LZTFL1: variants seen among roughly 807,000 people sequenced by gnomAD.
LZTFL1 encodes the protein leucine zipper transcription factor-like protein 1.
LZTFL1 carries 25 observed loss-of-function variants against 45.9 expected under a neutral mutation model. The observed-to-expected ratio is 0.54, with a 90% CI of 0.40 to 0.76. The LOEUF (loss-of-function observed/expected upper bound fraction) is 0.76. Among genes scored for constraint, LZTFL1 ranks in the 30% least tolerant of loss-of-function variants. The probability of loss-of-function intolerance (pLI) is 0.00; values close to 1 mark genes in which losing one functional copy is unlikely to be tolerated. For missense variants in LZTFL1, 277 were observed against 331.1 expected (o/e 0.84, Z 1.27); for synonymous variants, 93 against 117.4 (o/e 0.79, Z 1.35).
chr3:45,844,523 A>T (rs1444030618), upstream of LZTFL1, among the ~76,000 whole-genome samples: 1 of 152,218 alleles, frequency 6.6e-6, no homozygotes, highest in Non-Finnish European at 1.5e-5. Context: ...GAAAAGTTTG[A>T]TAAATATTGA....
At chr3:45,897,830 T>G (rs1225417763) in intron 2 of LZTFL1, among the ~76,000 whole-genome samples, 6 of 152,112 alleles carry the variant, frequency 3.9e-5, no homozygotes, top group Admixed American at 3.9e-4. Flanking sequence ...TACCTGGAGC[T>G]GCAGCAGGAG....
upstream of LZTFL1, among the ~76,000 whole-genome samples, chr3:45,845,800 G>T (rs1490329691): frequency 2.0e-5 from 3 of 152,156 alleles, no homozygotes; most frequent in African/African-American, 4.8e-5. Flanking sequence ...CAAAGCTGGG[G>T]CTGTGTAGTC....
chr3:45,881,888 T>C (rs1012746741), intron 2 of LZTFL1, among the ~76,000 whole-genome samples: 1 of 152,256 alleles, frequency 6.6e-6, no homozygotes, highest in East Asian at 1.9e-4. Flanking sequence ...AGCTGCTGAA[T>C]AGCAGGTTGG....
intron 3 of LZTFL1, chr3:45,835,120 GC>G (rs1177356183): frequency 6.6e-6 from 1 of 152,340 alleles, no homozygotes; most frequent in East Asian, 1.9e-4. Flanking sequence ...CATATTATAA[GC>G]TTTTTTGTAT....
At chr3:45,899,632 C>A (rs1702479635) in intron 2 of LZTFL1, among the ~76,000 whole-genome samples, 1 of 152,094 alleles carries the variant, frequency 6.6e-6, no homozygotes, top group African/African-American at 2.4e-5. Context: ...AGCTGGTAGT[C>A]CCTGGTGGAA....
intron 3 of LZTFL1, chr3:45,855,127 A>ATATCCCTTTGATGTTTTT: frequency 1.8e-6 from 2 of 1,101,964 alleles, no homozygotes; most frequent in Non-Finnish European, 2.6e-6. Flanking sequence ...TAAAAACATC[A>ATATCCCTTTGATGTTTTT]AAGGGATATG....
chr3:45,860,476 T>G (rs201923247), intron 2 of LZTFL1, among the ~76,000 whole-genome samples: 2 of 144,404 alleles, frequency 1.4e-5, no homozygotes, highest in Non-Finnish European at 3.1e-5. Context: ...TTTTTTTTTT[T>G]GTTTTTTGGT....
rs1325913127 is a variant in LZTFL1 at position 45,838,022 on chromosome 3, T to C, written c.33A>G (p.Gln11=). 1.2e-6 allele frequency: 2 copies of C among 1,610,998 alleles called. No individual in the cohort carries two copies. Among genetic ancestry groups the C allele is most frequent in the African/African-American group, 1.3e-5 (1 of 74,754 alleles). The change falls in exon 2 of 10, where the codon CAA becomes CAG. Residue 11 remains glutamine, a synonymous_variant. Coordinates refer to ENST00000296135, the MANE Select transcript of LZTFL1 (RefSeq NM_020347.4). MAELGLNEHH[Q]NEVINYMRFA... The stretch of plus-strand genomic sequence containing the variant: ...AACGCATATAATTAATAACTTCATT[T>C]TGATGGTGCTCATTTAGGCCCAACT...
rs1702114618 is a variant in LZTFL1 at position 45,890,277 on chromosome 3, T to TATAAATATATATATAAC, written c.-215+22842_-215+22843insGTTATATATATATTTAT. 1.2e-4 allele frequency among the ~76,000 whole-genome samples: 8 copies of TATAAATATATATATAAC among 69,382 alleles called. 3 individuals are homozygous for TATAAATATATATATAAC. Among genetic ancestry groups the TATAAATATATATATAAC allele is most frequent in the African/African-American group, 4.2e-4 (8 of 19,244 alleles). 45.5% of individuals were successfully genotyped at this position (69,382 alleles called of 152,430 possible). A position where few individuals can be genotyped will look rare whatever the true frequency, so the allele number is the denominator to read the frequency against. On this transcript the variant is annotated intron_variant, in intron 2 of 4. Transcript: ENST00000472635. The stretch of plus-strand genomic sequence containing the variant: ...ATTAGAAATATATATATAACATATA[T>TATAAATATATATATAAC]ATATATTTATATAAATATATATATA...
intron 2 of LZTFL1, among the ~76,000 whole-genome samples, chr3:45,907,590 G>T (rs187550323): frequency 2.6e-5 from 4 of 152,160 alleles, no homozygotes; most frequent in African/African-American, 9.7e-5. Context: ...GTCCCTTCTC[G>T]TATTAAAAGG....
intron 4 of LZTFL1, among the ~76,000 whole-genome samples, chr3:45,852,842 A>C (rs992999609): frequency 6.6e-6 from 1 of 152,218 alleles, no homozygotes; most frequent in Non-Finnish European, 1.5e-5. Context: ...TGCTCACCCC[A>C]ATCAAGGCAC....
intron 2 of LZTFL1, among the ~76,000 whole-genome samples, chr3:45,860,149 T>G (rs1701461800): frequency 6.6e-6 from 1 of 152,010 alleles, no homozygotes; most frequent in South Asian, 2.1e-4. Context: ...AAGGTGGAGG[T>G]TGCAGTGAGC....
In LZTFL1 at chr3:45,827,398, T is replaced by G. The variant is rs1397819745; in HGVS notation, c.839A>C (p.Lys280Thr). 2 of 1,613,912 alleles carry G rather than the reference T, an allele frequency of 1.2e-6. No individual in the cohort carries two copies. The highest frequency in any genetic ancestry group is 1.7e-6 in the Non-Finnish European group (2 of 1,179,914). The change falls in exon 9 of 10, where the codon AAG becomes ACG. Residue 280 changes from lysine (K) to threonine (T), a missense_variant. Coordinates refer to ENST00000296135, the MANE Select transcript of LZTFL1 (RefSeq NM_020347.4). ...CAGATCTTTGATTTGGTCATTCTTC[T>G]TGGTAAGAATCTCTTTCATGTTTCG... ...AYRNMKEILTKKNDQIKDLRK... is the reference protein window; with the variant it reads ...AYRNMKEILTTKNDQIKDLRK...
At chr3:45,883,012 T>C (rs866328573) in intron 2 of LZTFL1, among the ~76,000 whole-genome samples, 1 of 152,140 alleles carries the variant, frequency 6.6e-6, no homozygotes, top group South Asian at 2.1e-4. Context: ...TTGATACTTC[T>C]ACAAGGGGGA....
chr3:45,823,500 A>G lies in LZTFL1; in HGVS notation c.*2814T>C, dbSNP rs1382340559. On this transcript the variant is annotated 3_prime_UTR_variant, in exon 10 of 10. Transcript: ENST00000296135. ...GATGAAGGAGCTGATGACACAATCC[A>G]AAAGACACCACAGTCCCCCACAAAA... 1 of 152,356 alleles carries G rather than the reference A, an allele frequency of 6.6e-6. No homozygotes were observed. Among genetic ancestry groups the G allele is most frequent in the African/African-American group, 2.4e-5 (1 of 41,464 alleles). 9.4% of individuals were successfully genotyped at this position (152,356 alleles called of 1,614,324 possible).
chr3:45,861,263 G>A (rs1701486857), intron 2 of LZTFL1, among the ~76,000 whole-genome samples: 1 of 151,370 alleles, frequency 6.6e-6, no homozygotes, highest in Non-Finnish European at 1.5e-5. Flanking sequence ...ACTTCAGAGG[G>A]CAAAAGTTCA....
At chr3:45,907,736 T>A (rs371478198) in intron 2 of LZTFL1, among the ~76,000 whole-genome samples, 4 of 152,184 alleles carry the variant, frequency 2.6e-5, no homozygotes, top group African/African-American at 9.7e-5. Context: ...AGCACTCCTC[T>A]CATTTGTAAT....
chr3:45,825,505 A>G lies in LZTFL1; in HGVS notation c.*809T>C, dbSNP rs1700641304. 6.6e-6 allele frequency: 1 copy of G among 152,216 alleles called. No homozygotes were observed. Among genetic ancestry groups the G allele is most frequent in the African/African-American group, 2.4e-5 (1 of 41,470 alleles). 9.4% of individuals were successfully genotyped at this position (152,216 alleles called of 1,614,324 possible). A position where few individuals can be genotyped will look rare whatever the true frequency, so the allele number is the denominator to read the frequency against. On this transcript the variant is annotated 3_prime_UTR_variant, in exon 10 of 10. Coordinates refer to ENST00000296135, the MANE Select transcript of LZTFL1 (RefSeq NM_020347.4). Reference sequence around the variant, plus strand: ...TTTATGTTGAATATACGTCTTTTAAAAAGTGTTCTTATTGAACATAAAATG... The same window carrying G: ...TTTATGTTGAATATACGTCTTTTAAGAAGTGTTCTTATTGAACATAAAATG...
chr3:45,855,607 T>G (rs1038568294), intron 3 of LZTFL1, among the ~76,000 whole-genome samples: 1 of 152,046 alleles, frequency 6.6e-6, no homozygotes, highest in Non-Finnish European at 1.5e-5. Context: ...ACAGAGGAAG[T>G]CAAACTGTCT....
Sources: gnomAD v4.1 joint callset for allele counts (sites outside exome capture counted in the v4.1 genomes callset) on GRCh38, gnomAD v4.1.1 for gene constraint, MANE v1.5 for transcripts, NCBI Gene and HGNC (gene_info 2026-07-23, HGNC 2026-07-21) for gene names.